STIL: variants seen among roughly 807,000 people sequenced by gnomAD.
The protein encoded by STIL is SCL-interrupting locus protein.
A neutral mutation model predicts 110.1 loss-of-function variants in STIL; 55 were observed. The ratio of observed to expected loss-of-function variants is 0.50; its 90% CI spans 0.40 to 0.63. STIL has a LOEUF of 0.63. STIL is among the 20% of genes least tolerant of loss of function. The probability of loss-of-function intolerance (pLI) is 0.00; values close to 1 mark genes in which losing one functional copy is unlikely to be tolerated. For missense variants in STIL, 1,358 were observed against 1,530.0 expected (o/e 0.89, Z 1.87); for synonymous variants, 481 against 530.0 (o/e 0.91, Z 1.27).
At chr1:47,265,711 G>A (rs1007494237) in intron 14 of STIL, among the ~76,000 whole-genome samples, 3 of 151,178 alleles carry the variant, frequency 2.0e-5, no homozygotes, top group African/African-American at 7.3e-5. Flanking sequence ...TACCCGGGAG[G>A]CGGAGGGTGC....
At chr1:47,288,038 A>G (rs1645356059) in intron 9 of STIL, among the ~76,000 whole-genome samples, 1 of 148,208 alleles carries the variant, frequency 6.7e-6, no homozygotes, top group South Asian at 2.1e-4. Flanking sequence ...TTTTATATAT[A>G]ACATATATGT....
In STIL at chr1:47,305,001, T is replaced by G; in HGVS notation, c.45-5A>C. On this transcript the variant is annotated splice_region_variant and splice_polypyrimidine_tract_variant and intron_variant, in intron 2 of 16. Transcript: ENST00000371877. ...ACCATCCTGCTTGAAGGAAACCTTT[T>G]GAAAAAACAATGTAAAATTAAAGCA... The G allele has an allele frequency of 6.2e-7, 1 of 1,609,738 alleles. No individual in the cohort carries two copies. Among genetic ancestry groups the G allele is most frequent in the East Asian group, 2.2e-5 (1 of 44,834 alleles).
At chr1:47,267,533 T>C (rs1644687878) in intron 14 of STIL, among the ~76,000 whole-genome samples, 1 of 151,958 alleles carries the variant, frequency 6.6e-6, no homozygotes, top group Non-Finnish European at 1.5e-5. Flanking sequence ...GGCAAAACCC[T>C]GTCTCTACTA....
chr1:47,290,760 C>CT (rs1207892965), intron 8 of STIL, among the ~76,000 whole-genome samples: 2 of 151,366 alleles, frequency 1.3e-5, no homozygotes, highest in African/African-American at 4.9e-5. Flanking sequence ...AAAGACATGA[C>CT]TAGGCAGTTC....
chr1:47,301,558 C>A lies in STIL; in HGVS notation c.453+3G>T, dbSNP rs1356829118. ...TAACTATCAAGTTGTCAATGAATCGCACCTTTAAAGCTGAACTGAAGTCAT... is the reference window on the plus strand; with the variant it reads ...TAACTATCAAGTTGTCAATGAATCGAACCTTTAAAGCTGAACTGAAGTCAT... On this transcript the variant is annotated splice_donor_region_variant and intron_variant, in intron 5 of 16. Transcript: ENST00000371877. The A allele has an allele frequency of 1.2e-5, 19 of 1,612,420 alleles. No homozygotes were observed. The highest frequency in any genetic ancestry group is 1.0e-5 in the Non-Finnish European group (12 of 1,179,568).
intron 7 of STIL, 137 bp downstream of exon 7, chr1:47,295,628 T>C: frequency 3.0e-6 from 2 of 656,206 alleles, no homozygotes; most frequent in Non-Finnish European, 5.3e-6. Flanking sequence ...ACTAGTAAAA[T>C]AAGAAAACCT....
intron 12 of STIL, among the ~76,000 whole-genome samples, chr1:47,274,933 C>A (rs1374792891): frequency 1.3e-5 from 2 of 151,660 alleles, no homozygotes; most frequent in Non-Finnish European, 2.9e-5. Context: ...AGGTGGATCA[C>A]CTGAGGTCAG....
intron 12 of STIL, among the ~76,000 whole-genome samples, chr1:47,278,377 T>A (rs927717267): frequency 2.6e-5 from 4 of 152,120 alleles, no homozygotes; most frequent in Non-Finnish European, 4.4e-5. Flanking sequence ...CATATATATA[T>A]AAGGAAAATA....
chr1:47,300,655 G>T (rs1369413963), intron 5 of STIL, among the ~76,000 whole-genome samples: 1 of 152,048 alleles, frequency 6.6e-6, no homozygotes, highest in Non-Finnish European at 1.5e-5. Context: ...TTTTAGTAGA[G>T]ACAAGGTTTC....
chr1:47,308,486 C>G (rs1646031410), intron 2 of STIL, among the ~76,000 whole-genome samples: 1 of 150,970 alleles, frequency 6.6e-6, no homozygotes, highest in South Asian at 2.1e-4. Context: ...TGGAGATCAC[C>G]ATGTTAAGTG....
intron 16 of STIL, among the ~76,000 whole-genome samples, chr1:47,256,551 G>A (rs1025578653): frequency 2.6e-5 from 4 of 151,294 alleles, no homozygotes; most frequent in Non-Finnish European, 5.9e-5. Flanking sequence ...AACCTGGGGG[G>A]CGGAGGTTGC....
intron 6 of STIL, 43 bp from the exon 7 acceptor site, chr1:47,295,891 CT>C: frequency 1.4e-6 from 2 of 1,386,376 alleles, no homozygotes; most frequent in South Asian, 1.2e-5. Flanking sequence ...AAATTATGTA[CT>C]TTTTACCTAA....
chr1:47,287,588 A>C lies in STIL; in HGVS notation c.1096T>G (p.Phe366Val), dbSNP rs745587036. 1.9e-6 allele frequency: 3 copies of C among 1,611,256 alleles called. No individual in the cohort carries two copies. In the South Asian group the frequency reaches 3.3e-5, roughly 18 times the overall value. The change falls in exon 10 of 17, where the codon TTT (phenylalanine) becomes GTT (valine). Residue 366 changes from phenylalanine to valine, a missense_variant. Coordinates refer to ENST00000371877, the MANE Select transcript of STIL (RefSeq NM_001048166.1). ...SAESQNAETE[F>V]FSKASKNFSI... is the part of the protein sequence containing the mutation. The stretch of plus-strand genomic sequence containing the variant: ...AAATTCTTGGAAGCCTTACTGAAAA[A>C]CTCTGTTTCTGCATTTTGGCTTTCA...
At chr1:47,268,908 A>G (rs1032790256) in intron 14 of STIL, among the ~76,000 whole-genome samples, 1 of 152,074 alleles carries the variant, frequency 6.6e-6, no homozygotes, top group Non-Finnish European at 1.5e-5. Flanking sequence ...CCTGGCTAAC[A>G]TGGTGAAACC....
At chr1:47,272,367 T>A in intron 12 of STIL, 126 bp from the exon 13 acceptor site, 2 of 929,556 alleles carry the variant, frequency 2.2e-6, no homozygotes, top group East Asian at 2.6e-5. Context: ...TTTTCTCAAA[T>A]TTCAACTAGA....
chr1:47,275,296 G>A (rs925876668), intron 12 of STIL, among the ~76,000 whole-genome samples: 1 of 151,742 alleles, frequency 6.6e-6, no homozygotes, highest in Non-Finnish European at 1.5e-5. Flanking sequence ...CCTGAAGGGA[G>A]AGGGAGAATT....
intron 13 of STIL, 103 bp from the exon 14 acceptor site, chr1:47,269,969 G>T: frequency 1.9e-6 from 2 of 1,079,606 alleles, no homozygotes; most frequent in Non-Finnish European, 1.4e-6. Flanking sequence ...GGGTGCAATG[G>T]CTCACGCCTA....
Position 47,250,144 on chromosome 1 carries a change from T to C in STIL, c.*992A>G, listed in dbSNP as rs148103615. On this transcript the variant is annotated 3_prime_UTR_variant, in exon 17 of 17. Transcript: ENST00000371877. ...AACTATAACAGACAACAAAGGAAAA[T>C]AGTCAATCTAGACATTTTATTAAGT... 1.2e-3 allele frequency: 197 copies of C among 164,260 alleles called. 1 individual carries two copies. Among genetic ancestry groups the C allele is most frequent in the Non-Finnish European group, 1.7e-3 (128 of 75,226 alleles). The allele number at this position is 164,260 out of a possible 1,614,324, so 10.2% of individuals were successfully genotyped here. A position where few individuals can be genotyped will look rare whatever the true frequency, so the allele number is the denominator to read the frequency against.
chr1:47,262,185 T>C (rs774517439), intron 15 of STIL, among the ~76,000 whole-genome samples: 1 of 152,166 alleles, frequency 6.6e-6, no homozygotes, highest in African/African-American at 2.4e-5. Flanking sequence ...AACAAATATG[T>C]GTTCATTGAT....
Sources: allele counts gnomAD v4.1 joint callset (sites outside exome capture counted in the v4.1 genomes callset), GRCh38; gene constraint gnomAD v4.1.1; transcripts MANE v1.5; gene names NCBI Gene and HGNC (gene_info 2026-07-23, HGNC 2026-07-21).